Variants in BRD10 observed in about 807,000 individuals in gnomAD.
BRD10 encodes the protein uncharacterized bromodomain-containing protein 10.
chr9:6,007,798 G>T, the BRD10 span: 1 of 1,502,482 alleles, frequency 6.7e-7, no homozygotes, highest in Non-Finnish European at 8.8e-7. Flanking sequence ...GCCCCGGCAG[G>T]CCTAGGCTGG....
At chr9:5,896,311 A>G in the BRD10 span, among the ~76,000 whole-genome samples, 2 of 152,246 alleles carry the variant, frequency 1.3e-5, no homozygotes, top group Non-Finnish European at 2.9e-5. Context: ...AATGAATGGT[A>G]GTCACTATGG....
the BRD10 span, among the ~76,000 whole-genome samples, chr9:5,931,047 T>C: frequency 1.3e-5 from 2 of 152,214 alleles, no homozygotes; most frequent in Non-Finnish European, 2.9e-5. Flanking sequence ...AAAGATATGA[T>C]AGTAGGGAGA....
At chr9:5,931,386 T>C in the BRD10 span, among the ~76,000 whole-genome samples, 1 of 152,228 alleles carries the variant, frequency 6.6e-6, no homozygotes, top group East Asian at 1.9e-4. Flanking sequence ...TGTAGAAAAG[T>C]TTTTAAAAGA....
chr9:5,982,160 T>C, the BRD10 span, among the ~76,000 whole-genome samples: 3 of 152,146 alleles, frequency 2.0e-5, no homozygotes, highest in East Asian at 5.8e-4. Flanking sequence ...ATTAAAACAT[T>C]AAAAATGCAT....
chr9:5,979,990 G>T, the BRD10 span, among the ~76,000 whole-genome samples: 1 of 142,520 alleles, frequency 7.0e-6, no homozygotes, highest in Non-Finnish European at 1.5e-5. Flanking sequence ...ACTACAGCCT[G>T]GGCAACAAAG....
the BRD10 span, among the ~76,000 whole-genome samples, chr9:5,884,325 C>G: frequency 1.3e-5 from 2 of 152,236 alleles, no homozygotes; most frequent in African/African-American, 4.8e-5. Flanking sequence ...ACACAGCCTA[C>G]AAGATCAGTC....
chr9:5,950,171 T>C, the BRD10 span, among the ~76,000 whole-genome samples: 8 of 152,344 alleles, frequency 5.3e-5, no homozygotes, highest in East Asian at 1.3e-3. Flanking sequence ...CATGTGCCAC[T>C]TTCATTAAGA....
the BRD10 span, among the ~76,000 whole-genome samples, chr9:5,925,022 C>T: frequency 6.6e-6 from 1 of 152,240 alleles, no homozygotes; most frequent in Non-Finnish European, 1.5e-5. Flanking sequence ...CTCAGGAAGA[C>T]AGAACCTATG....
chr9:5,978,756 C>A, the BRD10 span, among the ~76,000 whole-genome samples: 1 of 152,188 alleles, frequency 6.6e-6, no homozygotes, highest in South Asian at 2.1e-4. Flanking sequence ...CTAGTTGGCA[C>A]CTTTGATACC....
At chr9:5,985,116 A>G in the BRD10 span, among the ~76,000 whole-genome samples, 96 of 152,346 alleles carry the variant, frequency 6.3e-4, no homozygotes, top group African/African-American at 2.2e-3. Context: ...AATACGTTCA[A>G]TTGCTTTTCA....
the BRD10 span, among the ~76,000 whole-genome samples, chr9:6,003,792 ATTAT>A: frequency 2.0e-5 from 3 of 152,018 alleles, no homozygotes; most frequent in Non-Finnish European, 2.9e-5. Flanking sequence ...ATATTTATAA[ATTAT>A]TTATAGATTA....
the BRD10 span, among the ~76,000 whole-genome samples, chr9:5,955,227 C>T: frequency 0.89 from 135,692 of 151,938 alleles, 61,504 homozygotes; most frequent in Non-Finnish European, 0.99. Context: ...ACTGTACAAG[C>T]TACGGGGACA....
chr9:5,920,064 T>C, the BRD10 span: 1 of 1,613,948 alleles, frequency 6.2e-7, no homozygotes, highest in South Asian at 1.1e-5. Flanking sequence ...GTATGTACTG[T>C]GGGTATAGAA....
At chr9:5,962,645 T>C in the BRD10 span, among the ~76,000 whole-genome samples, 1 of 78,774 alleles carries the variant, frequency 1.3e-5, no homozygotes, top group African/African-American at 4.9e-5. Context: ...TGAACATTGA[T>C]GCAAAAATCC....
At chr9:5,987,694 T>C in the BRD10 span, among the ~76,000 whole-genome samples, 1 of 152,216 alleles carries the variant, frequency 6.6e-6, no homozygotes. Flanking sequence ...CTTATAACAT[T>C]AGTAATCACT....
the BRD10 span, among the ~76,000 whole-genome samples, chr9:5,974,880 A>G: frequency 6.6e-6 from 1 of 152,342 alleles, no homozygotes; most frequent in East Asian, 1.9e-4. Flanking sequence ...GTAGAGAATA[A>G]TTAGACCTGG....
chr9:5,902,440 C>G, the BRD10 span, among the ~76,000 whole-genome samples: 3 of 151,758 alleles, frequency 2.0e-5, no homozygotes, highest in Admixed American at 1.3e-4. Context: ...TTGATTTACT[C>G]TACTGACTTT....
the BRD10 span, chr9:5,919,989 G>C: frequency 2.5e-6 from 4 of 1,614,002 alleles, no homozygotes; most frequent in Non-Finnish European, 3.4e-6. Flanking sequence ...ACTGAAGTCA[G>C]TGATACTGTT....
chr9:6,007,971 G>C, the BRD10 span: 2 of 1,296,972 alleles, frequency 1.5e-6, no homozygotes. Context: ...CGCCGGCGGG[G>C]CGGGGTTACA....
Sources: gnomAD v4.1 joint callset for allele counts (sites outside exome capture counted in the v4.1 genomes callset) on GRCh38, gnomAD v4.1.1 for gene constraint, MANE v1.5 for transcripts, NCBI Gene and HGNC (gene_info 2026-07-23, HGNC 2026-07-21) for gene names.